Variants in CGREF1 observed in about 807,000 individuals in gnomAD.
CGREF1 encodes the protein cell growth regulator with EF hand domain protein 1.
A neutral mutation model predicts 17.4 loss-of-function variants in CGREF1; 16 were observed. That is an observed-to-expected ratio of 0.92 (90% CI 0.62 to 1.40). The LOEUF (loss-of-function observed/expected upper bound fraction) is 1.40. Ranked by LOEUF, CGREF1 falls within the 40% of genes most tolerant of loss-of-function variation. The pLI is 0.00. For synonymous variants in CGREF1, 142 were observed against 154.6 expected (o/e 0.92, Z 0.61); for missense variants, 296 against 376.4 (o/e 0.79, Z 1.77).
downstream of CGREF1, chr2:27,100,378 C>T (rs1278528901): frequency 3.2e-6 from 4 of 1,239,278 alleles, no homozygotes; most frequent in African/African-American, 4.6e-5. Context: ...CTCCCGCTGA[C>T]TGCCCCAGAG....
At chr2:27,111,778 C>T (rs1234772103) in intron 1 of CGREF1, among the ~76,000 whole-genome samples, 1 of 151,968 alleles carries the variant, frequency 6.6e-6, no homozygotes, top group Non-Finnish European at 1.5e-5. Flanking sequence ...GGCCCCCGAG[C>T]CCACGCCCAC....
chr2:27,117,559 G>A (rs532970263), intron 1 of CGREF1, among the ~76,000 whole-genome samples: 4 of 152,246 alleles, frequency 2.6e-5, no homozygotes, highest in African/African-American at 9.6e-5. Flanking sequence ...ATGACCCTCC[G>A]GCCCCAGTGT....
chr2:27,105,827 G>A (rs1430896364), intron 1 of CGREF1, among the ~76,000 whole-genome samples: 6 of 152,332 alleles, frequency 3.9e-5, no homozygotes, highest in Admixed American at 1.3e-4. Flanking sequence ...GATTACAGGC[G>A]TGAGGCACTG....
chr2:27,102,987 G>A (rs1558459131), intron 2 of CGREF1: 1 of 985,392 alleles, frequency 1.0e-6, no homozygotes, highest in Non-Finnish European at 1.2e-6. Context: ...TGAGCCTGGT[G>A]GCACTGCCCA....
intron 1 of CGREF1, among the ~76,000 whole-genome samples, chr2:27,118,504 T>C (rs1231961422): frequency 6.6e-6 from 1 of 152,128 alleles, no homozygotes; most frequent in Non-Finnish European, 1.5e-5. Flanking sequence ...GCGCTCCATT[T>C]CTTCCCCGTC....
chr2:27,114,094 A>G (rs1202475972), intron 1 of CGREF1, among the ~76,000 whole-genome samples: 2 of 148,654 alleles, frequency 1.3e-5, no homozygotes, highest in African/African-American at 5.0e-5. Flanking sequence ...TCCCAGGTTC[A>G]ACCAATTCTC....
intron 1 of CGREF1, among the ~76,000 whole-genome samples, chr2:27,110,382 ACAGT>A (rs1305595632): frequency 7.0e-6 from 1 of 142,866 alleles, no homozygotes; most frequent in Admixed American, 7.5e-5. Flanking sequence ...AGCCTCGGTG[ACAGT>A]CAGACTATCT....
chr2:27,102,463 G>A (rs1048429453), intron 3 of CGREF1, 33 bp from the exon 4 acceptor site: 7 of 1,613,356 alleles, frequency 4.3e-6, no homozygotes, highest in South Asian at 2.2e-5. Flanking sequence ...GCCCGGGAGA[G>A]GTGAGTCTGC....
intron 2 of CGREF1, 126 bp from the exon 3 acceptor site, chr2:27,102,717 C>A: frequency 8.9e-7 from 1 of 1,117,802 alleles, no homozygotes; most frequent in Non-Finnish European, 1.2e-6. Flanking sequence ...CCCAAAATTC[C>A]AAAAACCCTG....
intron 1 of CGREF1, among the ~76,000 whole-genome samples, chr2:27,105,423 C>T (rs375392088): frequency 1.1e-3 from 173 of 152,346 alleles, no homozygotes; most frequent in African/African-American, 4.1e-3. Flanking sequence ...AGCAGGTAAG[C>T]ACCTGGCTAA....
chr2:27,107,750 T>C (rs1404496439), intron 1 of CGREF1, among the ~76,000 whole-genome samples: 5 of 143,694 alleles, frequency 3.5e-5, no homozygotes, highest in Non-Finnish European at 6.1e-5. Flanking sequence ...CTGGCCAACA[T>C]GGTGAAACCC....
intron 1 of CGREF1, among the ~76,000 whole-genome samples, chr2:27,115,211 C>G (rs1671529245): frequency 6.6e-6 from 1 of 152,156 alleles, no homozygotes; most frequent in African/African-American, 2.4e-5. Context: ...TCTTGAAACT[C>G]TCAATCATTT....
chr2:27,118,706 G>T (rs1300087959), intron 1 of CGREF1, 140 bp downstream of exon 1: 3 of 152,372 alleles, frequency 2.0e-5, no homozygotes, highest in African/African-American at 7.2e-5. Context: ...CTCCCGCCGC[G>T]TCTGAGCCGC....
At chr2:27,103,205 G>T in intron 2 of CGREF1, 1 of 747,978 alleles carries the variant, frequency 1.3e-6, no homozygotes, top group Non-Finnish European at 1.6e-6. Context: ...GGCAGGAGTT[G>T]CAGCGACTTT....
downstream of CGREF1, chr2:27,100,028 C>T (rs558568942): frequency 3.9e-5 from 26 of 659,246 alleles, no homozygotes; most frequent in East Asian, 4.9e-4. Flanking sequence ...TCTGACTCTT[C>T]GATCCTCCCT....
chr2:27,099,776 C>T (rs1670687360), downstream of CGREF1: 1 of 1,610,780 alleles, frequency 6.2e-7, no homozygotes. Flanking sequence ...CCTCACACAC[C>T]ATGGAGACTA....
At chr2:27,108,866 A>G (rs1671237344) in intron 1 of CGREF1, among the ~76,000 whole-genome samples, 1 of 151,452 alleles carries the variant, frequency 6.6e-6, no homozygotes, top group Middle Eastern at 3.4e-3. Context: ...CCAGGCTGGA[A>G]CTCCTGGCAT....
Position 27,102,439 on chromosome 2 carries a change from A to T in CGREF1, c.147-9T>A, listed in dbSNP as rs371578584. 7 of 1,613,978 alleles carry T rather than the reference A, an allele frequency of 4.3e-6. No homozygotes were observed. In the African/African-American group the frequency reaches 9.3e-5, roughly 22 times the overall value. ...GGTAGCTCTGCAGAAGTCTGTCAGA[A>T]AAGTGGAGAATCAGCCCGGGAGAGG... On this transcript the variant is annotated splice_polypyrimidine_tract_variant and intron_variant, in intron 3 of 5. Coordinates refer to ENST00000402394, the MANE Select transcript of CGREF1 (RefSeq NM_006569.6).
In CGREF1 at chr2:27,101,427, ATCTCCT is replaced by A; in HGVS notation, c.798_803del (p.Glu266_Gly267del). ...CAGCTTCCCCTCTGGGCCCGGGGGC[ATCTCCT>A]TCAGCCTCTGCCTGGCCCCCAGCTT... On this transcript the variant is annotated inframe_deletion, in exon 6 of 6. Coordinates refer to ENST00000402394, the MANE Select transcript of CGREF1 (RefSeq NM_006569.6). 7.7e-6 allele frequency: 12 copies of A among 1,553,132 alleles called. No individual in the cohort carries two copies. Among genetic ancestry groups the A allele is most frequent in the South Asian group, 2.4e-5 (2 of 84,200 alleles).
Sources: allele counts gnomAD v4.1 joint callset (sites outside exome capture counted in the v4.1 genomes callset), GRCh38; gene constraint gnomAD v4.1.1; transcripts MANE v1.5; gene names NCBI Gene and HGNC (gene_info 2026-07-23, HGNC 2026-07-21).